INTS9: variants seen among roughly 807,000 people sequenced by gnomAD.
The protein encoded by INTS9 is protein related to CPSF subunits of 74 kDa.
A neutral mutation model predicts 79.7 loss-of-function variants in INTS9; 55 were observed. The ratio of observed to expected loss-of-function variants is 0.69; its 90% CI spans 0.56 to 0.86. The LOEUF is 0.86. Among genes scored for constraint, INTS9 ranks in the 40% least tolerant of loss-of-function variants. The pLI, the probability that INTS9 is intolerant of heterozygous loss-of-function variation, is 0.00. For missense variants in INTS9, 721 were observed against 831.5 expected, an observed-to-expected ratio of 0.87 and a Z score of 1.64; for synonymous variants, 319 against 325.2, an observed-to-expected ratio of 0.98 and a Z score of 0.20.
chr8:28,818,831 C>T (rs1358890532), intron 6 of INTS9, among the ~76,000 whole-genome samples: 1 of 151,574 alleles, frequency 6.6e-6, no homozygotes, highest in Non-Finnish European at 1.5e-5. Context: ...AATTTCAGAG[C>T]CTGTTATTGG....
At chr8:28,883,480 G>T (rs1810005563) in intron 1 of INTS9, among the ~76,000 whole-genome samples, 1 of 152,206 alleles carries the variant, frequency 6.6e-6, no homozygotes, top group Non-Finnish European at 1.5e-5. Flanking sequence ...AGCATCATTG[G>T]CAAGGGTGGG....
intron 11 of INTS9, among the ~76,000 whole-genome samples, chr8:28,781,546 G>A (rs1487276669): frequency 1.3e-5 from 2 of 152,198 alleles, no homozygotes; most frequent in Non-Finnish European, 2.9e-5. Context: ...CAACCAAGAT[G>A]TGTCCTTCAG....
rs1300202276 is a variant in INTS9, at chr8:28,874,121, T to TG, written c.10-14559dup. Among the ~76,000 whole-genome samples, 3 of 152,220 alleles carry TG rather than the reference T, an allele frequency of 2.0e-5. No individual in the cohort carries two copies. The East Asian group carries it at 5.8e-4, about 29-fold the overall frequency. On this transcript the variant is annotated intron_variant, in intron 1 of 16. Transcript: ENST00000521022. ...CCTAATTCTTCTTGTTTTGATTATA[T>TG]GTCACTTTCCTAAATATTTTCTGTA...
chr8:28,802,816 TA>T (rs1455398319), intron 8 of INTS9, among the ~76,000 whole-genome samples: 8 of 152,024 alleles, frequency 5.3e-5, no homozygotes, highest in Non-Finnish European at 1.0e-4. Flanking sequence ...CTATTATAGA[TA>T]AGTTTCTAAA....
At chr8:28,867,531 T>TA (rs766435433) in intron 1 of INTS9, among the ~76,000 whole-genome samples, 449 of 117,422 alleles carry the variant, frequency 3.8e-3, no homozygotes, top group Middle Eastern at 5.1e-3. Flanking sequence ...GAGCTGAGAT[T>TA]AAAAAAAAAA....
chr8:28,801,473 G>C (rs1197782053), intron 8 of INTS9, among the ~76,000 whole-genome samples: 5 of 149,786 alleles, frequency 3.3e-5, no homozygotes, highest in African/African-American at 7.4e-5. Context: ...CTGAGTGACA[G>C]AGTAAGACTC....
chr8:28,810,352 T>TA (rs11380579), intron 8 of INTS9: 121,115 of 153,142 alleles, frequency 0.79, 48,091 homozygotes, highest in Non-Finnish European at 0.81. Flanking sequence ...TGCTGGCTAC[T>TA]AGAGATACAA....
rs535554424 is a variant in INTS9, at chr8:28,885,585, G to C, written c.9+4289C>G. ...TCTCCATCTCAGGTACTATCTGTAG[G>C]AAGTACAACACACAGGCTGCATTCT... is the stretch of plus-strand genomic sequence containing the variant. On this transcript the variant is annotated intron_variant, in intron 1 of 16. Coordinates refer to ENST00000521022, the MANE Select transcript of INTS9 (RefSeq NM_018250.4). Among the ~76,000 whole-genome samples the C allele has an allele frequency of 1.2e-3, 183 of 152,318 alleles. 2 individuals carry two copies. The highest frequency in any genetic ancestry group is 4.1e-3 in the African/African-American group (171 of 41,558).
At chr8:28,813,950 G>T (rs944512600) in intron 6 of INTS9, among the ~76,000 whole-genome samples, 4 of 151,570 alleles carry the variant, frequency 2.6e-5, no homozygotes, top group African/African-American at 9.7e-5. Flanking sequence ...TAGTAGAGAT[G>T]GGGTTTCACC....
chr8:28,768,183 A>G lies in INTS9; in HGVS notation c.1940T>C (p.Leu647Pro), dbSNP rs769699353. ...TAAGAATTTGAGGACAAGGTCCCGC[A>G]GTCGCACTCTGAGCATCTCGTCATT... ...CDNDEMLRVR[L>P]RDLVLKFLQK... Residue 647 changes from leucine (L) to proline (P), a missense_variant, in exon 17 of 17, where the codon CTG becomes CCG. By Grantham distance (98) the Leu-to-Pro change is moderately conservative. Around this residue, in one of 3 missense-constraint regions of INTS9, gnomAD observed 281 missense variants for 300.8 expected, o/e 0.93. Coordinates refer to ENST00000521022, the MANE Select transcript of INTS9 (RefSeq NM_018250.4). 6.2e-7 allele frequency: 1 copy of G among 1,614,192 alleles called. No homozygotes were observed.
intron 1 of INTS9, among the ~76,000 whole-genome samples, chr8:28,880,990 G>C (rs1463357389): frequency 2.7e-5 from 4 of 149,402 alleles, no homozygotes; most frequent in African/African-American, 9.9e-5. Flanking sequence ...CGGCCGCTCC[G>C]TCTGAAAAGT....
At chr8:28,807,866 C>T (rs577149058) in intron 8 of INTS9, among the ~76,000 whole-genome samples, 9 of 152,068 alleles carry the variant, frequency 5.9e-5, no homozygotes, top group Non-Finnish European at 1.3e-4. Context: ...AGGGCTCAGT[C>T]ACAAGATAAG....
chr8:28,792,438 C>T (rs1442322253), intron 10 of INTS9, among the ~76,000 whole-genome samples: 1 of 151,078 alleles, frequency 6.6e-6, no homozygotes, highest in Non-Finnish European at 1.5e-5. Context: ...GAAGAAACTG[C>T]AAAAGAGACT....
intron 8 of INTS9, among the ~76,000 whole-genome samples, chr8:28,798,909 G>A (rs866296508): frequency 1.3e-5 from 2 of 152,298 alleles, no homozygotes; most frequent in African/African-American, 2.4e-5. Flanking sequence ...AGGCTGCAGT[G>A]AGCTATGTTT....
At chr8:28,807,947 G>C (rs1214834254) in intron 8 of INTS9, among the ~76,000 whole-genome samples, 1 of 152,178 alleles carries the variant, frequency 6.6e-6, no homozygotes, top group Non-Finnish European at 1.5e-5. Context: ...AATATCAATA[G>C]ATTATTAGAA....
At chr8:28,788,058 T>C (rs1299159735) in intron 10 of INTS9, among the ~76,000 whole-genome samples, 169 bp from the exon 11 acceptor site, 6 of 152,236 alleles carry the variant, frequency 3.9e-5, no homozygotes, top group African/African-American at 1.2e-4. Context: ...GAGATGTATC[T>C]TGTATGTTTT....
chr8:28,769,784 A>T, intron 16 of INTS9, 105 bp downstream of exon 16: 1 of 1,424,682 alleles, frequency 7.0e-7, no homozygotes, highest in Non-Finnish European at 9.6e-7. Flanking sequence ...AGTGGGGACT[A>T]AGTGACAAGC....
At chr8:28,806,316 AAAAG>A (rs1010426708) in intron 8 of INTS9, among the ~76,000 whole-genome samples, 41 of 152,314 alleles carry the variant, frequency 2.7e-4, no homozygotes, top group African/African-American at 9.9e-4. Context: ...TATAGAGAAA[AAAAG>A]AAAGCATCGA....
At chr8:28,790,199 C>T (rs1803844819) in intron 10 of INTS9, among the ~76,000 whole-genome samples, 1 of 152,322 alleles carries the variant, frequency 6.6e-6, no homozygotes, top group African/African-American at 2.4e-5. Flanking sequence ...GGCTGTGAAG[C>T]ACCCGTTCAG....
Sources: gnomAD v4.1 joint callset for allele counts (sites outside exome capture counted in the v4.1 genomes callset) on GRCh38, gnomAD v4.1.1 for gene constraint, gnomAD v4.1.1 regional missense constraint, MANE v1.5 for transcripts, NCBI Gene and HGNC (gene_info 2026-07-23, HGNC 2026-07-21) for gene names.